The following RBPMS2 variants were observed in gnomAD, a reference collection of about 807,000 sequenced individuals.
RBPMS2 encodes RNA-binding protein with multiple splicing 2.
A neutral mutation model predicts 25.7 loss-of-function variants in RBPMS2; 14 were observed. That is an observed-to-expected ratio of 0.55 (90% CI 0.36 to 0.85). The LOEUF is 0.85. Ranked by LOEUF, RBPMS2 falls within the 40% of genes least tolerant of loss-of-function variation. RBPMS2 has a pLI of 0.01. For missense variants in RBPMS2, 252 were observed against 283.4 expected (o/e 0.89, Z 0.80); for synonymous variants, 127 against 115.6 (o/e 1.10, Z -0.63).
intron 7 of RBPMS2, 81 bp downstream of exon 7, chr15:64,741,092 C>T (rs528731724): frequency 1.9e-5 from 21 of 1,119,518 alleles, no homozygotes; most frequent in South Asian, 1.1e-4. Flanking sequence ...TCTTGAGACC[C>T]GGGGCAGAGG....
rs11453941 is a variant in RBPMS2 at position 64,765,583 on chromosome 15, T to TG, written c.87+9649_87+9650insC. The stretch of plus-strand genomic sequence containing the variant: ...AACAAAACGAGATCCTGTGTCAGAA[T>TG]AAAAAAAAGGGCGGGGGGGGACCAG... On this transcript the variant is annotated intron_variant, in intron 1 of 7. Transcript: ENST00000300069. Among the ~76,000 whole-genome samples, 14 of 149,022 alleles carry TG rather than the reference T, an allele frequency of 9.4e-5. No individual in the cohort carries two copies. In the East Asian group the frequency reaches 2.4e-3, roughly 26 times the overall value.
intron 1 of RBPMS2, among the ~76,000 whole-genome samples, chr15:64,764,351 T>A (rs1595793968): frequency 6.6e-6 from 1 of 152,096 alleles, no homozygotes; most frequent in East Asian, 1.9e-4. Context: ...AGCTCCTAAA[T>A]CAATACCTCC....
chr15:64,744,793 GTTTTGTTTTTTTTTT>G (rs2083600714), intron 6 of RBPMS2, among the ~76,000 whole-genome samples: 6 of 57,798 alleles, frequency 1.0e-4, no homozygotes, highest in African/African-American at 5.2e-4. Context: ...TTTTTGGTTT[GTTTTGTTTTTTTTTT>G]TTTTTTTTTT....
rs950336196 is a variant in RBPMS2 at position 64,741,020 on chromosome 15, C to T, written c.*8-20G>A. On this transcript the variant is annotated intron_variant, in intron 7 of 7. Transcript: ENST00000300069. ...CCAGACCTGGAGGGAGGGAGAGAGG[C>T]GGCCGTGAGCAGAGGCGTGGGACTA... is the stretch of plus-strand genomic sequence containing the variant. 1.2e-5 allele frequency: 7 copies of T among 581,600 alleles called. No homozygotes were observed. The highest frequency in any genetic ancestry group is 2.0e-5 in the South Asian group (1 of 49,618). The allele number at this position is 581,600 out of a possible 1,614,324, so 36.0% of individuals were successfully genotyped here.
Position 64,754,501 on chromosome 15 carries a change from A to G in RBPMS2, c.88-2863T>C, listed in dbSNP as rs116132529. Among the ~76,000 whole-genome samples, 510 of 152,188 alleles carry G rather than the reference A, an allele frequency of 3.4e-3. 1 individual carries two copies. The highest frequency in any genetic ancestry group is 0.012 in the African/African-American group (491 of 41,538). ...GTGGCGCATGCCTATAATCCCAGCT[A>G]CAAGGGATGCTGAGGTAGGAGAATC... On this transcript the variant is annotated intron_variant, in intron 1 of 7. Transcript: ENST00000300069.
intron 1 of RBPMS2, 67 bp from the exon 2 acceptor site, chr15:64,751,705 C>T: frequency 7.4e-7 from 1 of 1,343,194 alleles, no homozygotes; most frequent in Non-Finnish European, 1.1e-6. Flanking sequence ...ACAGCGCTTC[C>T]TTCAGGCAGG....
At position 64,750,451 on chromosome 15, in the gene RBPMS2, T is replaced by G. The variant is rs1055725799; in HGVS notation, c.166-70A>C. 1.0e-5 allele frequency: 14 copies of G among 1,336,026 alleles called. No individual in the cohort carries two copies. In the East Asian group the frequency reaches 2.8e-4, roughly 26 times the overall value. The allele number at this position is 1,336,026 out of a possible 1,614,324, so 82.8% of individuals were successfully genotyped here. On this transcript the variant is annotated intron_variant, in intron 2 of 7. Transcript: ENST00000300069. ...GTTGTGCTAGCCCAGCGCTGCCACC[T>G]CATCAGCCCCCGCGTTCCCCTGAGT...
intron 1 of RBPMS2, among the ~76,000 whole-genome samples, chr15:64,766,456 T>C (rs541655879): frequency 6.6e-6 from 1 of 152,018 alleles, no homozygotes; most frequent in South Asian, 2.1e-4. Context: ...GCTATGCCAG[T>C]GCCTGGACAG....
At chr15:64,774,206 C>T (rs1209552307) in intron 1 of RBPMS2, among the ~76,000 whole-genome samples, 1 of 152,222 alleles carries the variant, frequency 6.6e-6, no homozygotes. Flanking sequence ...AGGGGAAGGG[C>T]GCCCAAGGTG....
rs554172025 is a variant in RBPMS2, at chr15:64,765,053, C to T, written c.87+10180G>A. Among the ~76,000 whole-genome samples, 30 of 150,222 alleles carry T rather than the reference C, an allele frequency of 2.0e-4. No homozygotes were observed. In the South Asian group the frequency reaches 4.9e-3, roughly 25 times the overall value. The stretch of plus-strand genomic sequence containing the variant: ...CAGCCTGGCCAACATGGTGAAACCC[C>T]GTCTCTACTAAAAATACAAAAAAAT... On this transcript the variant is annotated intron_variant, in intron 1 of 7. Coordinates refer to ENST00000300069, the MANE Select transcript of RBPMS2 (RefSeq NM_194272.3).
intron 1 of RBPMS2, among the ~76,000 whole-genome samples, chr15:64,752,317 T>C (rs1032754746): frequency 5.9e-5 from 9 of 152,026 alleles, no homozygotes; most frequent in Non-Finnish European, 1.0e-4. Context: ...GAGCCTCCAG[T>C]CTGGTCGAGG....
At chr15:64,756,073 A>C (rs1020344504) in intron 1 of RBPMS2, among the ~76,000 whole-genome samples, 3 of 152,160 alleles carry the variant, frequency 2.0e-5, no homozygotes, top group African/African-American at 7.2e-5. Context: ...GACAGGAACC[A>C]AGCCTCAAAA....
chr15:64,741,606 T>C (rs1218628011), intron 6 of RBPMS2, among the ~76,000 whole-genome samples: 1 of 152,228 alleles, frequency 6.6e-6, no homozygotes, highest in Non-Finnish European at 1.5e-5. Context: ...TTCCTAATTC[T>C]GTGGAGGAGG....
At chr15:64,766,131 C>G (rs1253958200) in intron 1 of RBPMS2, among the ~76,000 whole-genome samples, 1 of 152,208 alleles carries the variant, frequency 6.6e-6, no homozygotes, top group South Asian at 2.1e-4. Context: ...CTGCCATGGC[C>G]TGGTCCAAGT....
intron 1 of RBPMS2, among the ~76,000 whole-genome samples, chr15:64,752,219 G>GT (rs2083688973): frequency 6.6e-6 from 1 of 152,084 alleles, no homozygotes; most frequent in South Asian, 2.1e-4. Flanking sequence ...ATGTAAAAAT[G>GT]TATCTATTTT....
chr15:64,775,452 G>C lies in RBPMS2; in HGVS notation c.-133C>G. 1 of 323,838 alleles carries C rather than the reference G, an allele frequency of 3.1e-6. No individual in the cohort carries two copies. Among genetic ancestry groups the C allele is most frequent in the East Asian group, 5.0e-5 (1 of 20,042 alleles). 20.1% of individuals were successfully genotyped at this position (323,838 alleles called of 1,614,324 possible). On this transcript the variant is annotated 5_prime_UTR_variant, in exon 1 of 8. Transcript: ENST00000300069. ...GGTGGCGGGGGACCCACGGGGCAGT[G>C]AGAGGGGCAGCCTCCGCGTCGGGCC...
At chr15:64,751,258 A>C (rs1453697143) in intron 2 of RBPMS2, among the ~76,000 whole-genome samples, 1 of 151,616 alleles carries the variant, frequency 6.6e-6, no homozygotes, top group Non-Finnish European at 1.5e-5. Flanking sequence ...GCTTGAACCC[A>C]GGAGGCAGCG....
At chr15:64,769,605 A>G (rs986659572) in intron 1 of RBPMS2, among the ~76,000 whole-genome samples, 1 of 151,910 alleles carries the variant, frequency 6.6e-6, no homozygotes, top group African/African-American at 2.4e-5. Context: ...GCTTGCAGTG[A>G]GCTGAGATCG....
In RBPMS2 at chr15:64,749,135, G is replaced by T. The variant is rs748590604; in HGVS notation, c.283C>A (p.Pro95Thr). ...KNALNGIRFDPENPQTLRLEF... is the reference protein window; with the variant it reads ...KNALNGIRFDTENPQTLRLEF... ...AGCCTCAGAGTCTGTGGATTTTCGG[G>T]ATCAAAGCGAATACCCTACATGGGT... is the stretch of plus-strand genomic sequence containing the variant. The change falls in exon 5 of 8, where the codon CCC becomes ACC. Residue 95 changes from proline (P) to threonine (T), a missense_variant. Transcript: ENST00000300069. The T allele has an allele frequency of 6.2e-7, 1 of 1,614,166 alleles. No homozygotes were observed. The highest frequency in any genetic ancestry group is 8.5e-7 in the Non-Finnish European group (1 of 1,180,030).
Sources: allele counts gnomAD v4.1 joint callset (sites outside exome capture counted in the v4.1 genomes callset), GRCh38; gene constraint gnomAD v4.1.1; transcripts MANE v1.5; gene names NCBI Gene and HGNC (gene_info 2026-07-23, HGNC 2026-07-21).